Variants in YEATS4 observed in about 807,000 individuals in gnomAD.
YEATS4 encodes YEATS domain containing 4, also known as YEATS domain-containing protein 4.
In YEATS4, 17 loss-of-function variants were observed where a neutral mutation model predicts 30.1. That is an observed-to-expected ratio of 0.56 (90% CI 0.39 to 0.85). The LOEUF (loss-of-function observed/expected upper bound fraction) is 0.85, where lower values mean the gene tolerates loss of function less well. Among genes scored for constraint, YEATS4 ranks in the 40% least tolerant of loss-of-function variants. The pLI, the probability that YEATS4 is intolerant of heterozygous loss-of-function variation, is 0.00. For synonymous variants in YEATS4, 85 were observed against 87.5 expected, an observed-to-expected ratio of 0.97 and a Z score of 0.16; for missense variants, 142 against 268.3, an observed-to-expected ratio of 0.53 and a Z score of 3.29.
the YEATS4 span, among the ~76,000 whole-genome samples, chr12:69,426,537 A>G: frequency 6.6e-6 from 1 of 152,036 alleles, no homozygotes; most frequent in African/African-American, 2.4e-5. Flanking sequence ...TGCCTGGCTA[A>G]TTTTTGTACT....
the YEATS4 span, among the ~76,000 whole-genome samples, chr12:69,406,246 GT>G: frequency 6.6e-6 from 1 of 152,162 alleles, no homozygotes; most frequent in Non-Finnish European, 1.5e-5. Context: ...ACAACTGTGC[GT>G]TAGAGTACCT....
chr12:69,371,048 C>G, intron 6 of YEATS4, 73 bp downstream of exon 6: 1 of 1,422,410 alleles, frequency 7.0e-7, no homozygotes, highest in East Asian at 2.4e-5. Context: ...TGATTCGTGC[C>G]TTTTACACTT....
the YEATS4 span, among the ~76,000 whole-genome samples, chr12:69,416,910 T>TA: frequency 6.6e-6 from 1 of 151,570 alleles, no homozygotes; most frequent in Non-Finnish European, 1.5e-5. Flanking sequence ...CCATCTCTAC[T>TA]AAAAATACAA....
In YEATS4 at chr12:69,390,454, A is replaced by G; in HGVS notation, c.*138A>G. On this transcript the variant is annotated 3_prime_UTR_variant, in exon 7 of 7. Coordinates refer to ENST00000247843, the MANE Select transcript of YEATS4 (RefSeq NM_006530.4). ...GCTGTTGACCATGAATTTCTTAGCA[A>G]TAGGAATTTGTACTATTTAAGCAAT... is the stretch of plus-strand genomic sequence containing the variant. 1 of 757,630 alleles carries G rather than the reference A, an allele frequency of 1.3e-6. No individual in the cohort carries two copies. The highest frequency in any genetic ancestry group is 2.9e-5 in the South Asian group (1 of 35,010). 46.9% of individuals were successfully genotyped at this position (757,630 alleles called of 1,614,324 possible).
intron 6 of YEATS4, among the ~76,000 whole-genome samples, chr12:69,380,598 C>A (rs537557283): frequency 6.6e-6 from 1 of 152,288 alleles, no homozygotes; most frequent in Admixed American, 6.5e-5. Flanking sequence ...ACTGTAACCG[C>A]TGCCTGGCTG....
chr12:69,423,993 C>T, the YEATS4 span, among the ~76,000 whole-genome samples: 1 of 152,150 alleles, frequency 6.6e-6, no homozygotes, highest in African/African-American at 2.4e-5. Flanking sequence ...GCTTCCTTCT[C>T]TTTCTAGATA....
the YEATS4 span, among the ~76,000 whole-genome samples, chr12:69,401,551 G>A: frequency 6.6e-6 from 1 of 152,202 alleles, no homozygotes; most frequent in Admixed American, 6.5e-5. Context: ...GTCCTGGAAG[G>A]ACATGCCCAT....
the YEATS4 span, among the ~76,000 whole-genome samples, chr12:69,421,537 G>A: frequency 6.6e-6 from 1 of 152,182 alleles, no homozygotes; most frequent in Non-Finnish European, 1.5e-5. Flanking sequence ...GCCAAGCGGG[G>A]TGTAGTTTCT....
chr12:69,385,597 TTAG>T (rs1565682029), intron 6 of YEATS4, among the ~76,000 whole-genome samples: 1 of 152,108 alleles, frequency 6.6e-6, no homozygotes, highest in Non-Finnish European at 1.5e-5. Flanking sequence ...ACACAGCTAG[TTAG>T]TAGTAGAATC....
At chr12:69,404,282 T>A in the YEATS4 span, among the ~76,000 whole-genome samples, 2 of 152,234 alleles carry the variant, frequency 1.3e-5, no homozygotes, top group Non-Finnish European at 2.9e-5. Flanking sequence ...CTCTGTTAGA[T>A]GGCATTAGTA....
chr12:69,372,478 C>T lies in YEATS4; in HGVS notation c.514+1503C>T, dbSNP rs569516736. Among the ~76,000 whole-genome samples, 121 of 140,078 alleles carry T rather than the reference C, an allele frequency of 8.6e-4. No homozygotes were observed. In the South Asian group the frequency reaches 0.013, roughly 15 times the overall value. 91.9% of individuals were successfully genotyped at this position (140,078 alleles called of 152,430 possible). On this transcript the variant is annotated intron_variant, in intron 6 of 6. Transcript: ENST00000247843. ...CAATAACCATCCTTTACCCACCTAC[C>T]CACTACCCTTCCTACCCTCTGGTAA...
At chr12:69,390,070 A>T in intron 6 of YEATS4, 77 bp from the exon 7 acceptor site, 3 of 1,164,202 alleles carry the variant, frequency 2.6e-6, no homozygotes, top group Non-Finnish European at 3.5e-6. Flanking sequence ...TCGTCAGGAA[A>T]TGCCATATTT....
chr12:69,390,031 G>T, intron 6 of YEATS4, 116 bp from the exon 7 acceptor site: 1 of 833,628 alleles, frequency 1.2e-6, no homozygotes, highest in East Asian at 3.1e-5. Flanking sequence ...TAATTCTTAA[G>T]TTATCCACAT....
chr12:69,412,917 G>A, the YEATS4 span, among the ~76,000 whole-genome samples: 1 of 152,042 alleles, frequency 6.6e-6, no homozygotes, highest in African/African-American at 2.4e-5. Flanking sequence ...GTGGATATAG[G>A]GAGGAAAGAA....
the YEATS4 span, among the ~76,000 whole-genome samples, chr12:69,400,697 T>TAA: frequency 1.5e-5 from 2 of 135,180 alleles, no homozygotes; most frequent in Admixed American, 7.4e-5. Context: ...TTAAAAAGTT[T>TAA]AAAAAAAAAA....
intron 6 of YEATS4, among the ~76,000 whole-genome samples, chr12:69,372,298 A>G (rs1337669542): frequency 5.3e-5 from 8 of 152,188 alleles, no homozygotes; most frequent in Non-Finnish European, 1.2e-4. Context: ...AGGAAATGAG[A>G]TATCGATCAC....
At chr12:69,407,140 CT>C in the YEATS4 span, among the ~76,000 whole-genome samples, 19,869 of 142,390 alleles carry the variant, frequency 0.14, 1,545 homozygotes, top group East Asian at 0.39. Context: ...TTTATACATT[CT>C]TTTTTTTTTT....
In YEATS4 at chr12:69,390,420, T is replaced by C. The variant is rs1945327239; in HGVS notation, c.*104T>C. 3.8e-6 allele frequency: 4 copies of C among 1,055,694 alleles called. No homozygotes were observed. The highest frequency in any genetic ancestry group is 5.3e-6 in the Non-Finnish European group (4 of 759,380). 65.4% of individuals were successfully genotyped at this position (1,055,694 alleles called of 1,614,324 possible). Reference sequence around the variant, plus strand: ...TGCTGTGATGTTTCTTAGAGGAACTTCATATACAGCTGTTGACCATGAATT... The same window carrying C: ...TGCTGTGATGTTTCTTAGAGGAACTCCATATACAGCTGTTGACCATGAATT... On this transcript the variant is annotated 3_prime_UTR_variant, in exon 7 of 7. Transcript: ENST00000247843.
At chr12:69,385,672 G>T (rs1480671694) in intron 6 of YEATS4, among the ~76,000 whole-genome samples, 4 of 152,180 alleles carry the variant, frequency 2.6e-5, no homozygotes, top group Non-Finnish European at 5.9e-5. Flanking sequence ...TATTTTTATA[G>T]AGAGAATATT....
Sources: allele counts gnomAD v4.1 joint callset (sites outside exome capture counted in the v4.1 genomes callset), GRCh38; gene constraint gnomAD v4.1.1; transcripts MANE v1.5; gene names NCBI Gene and HGNC (gene_info 2026-07-23, HGNC 2026-07-21).